Variants in WWTR1 observed in about 807,000 individuals in gnomAD.
The protein encoded by WWTR1 is WW domain-containing transcription regulator protein 1.
A neutral mutation model predicts 40.1 loss-of-function variants in WWTR1; 13 were observed. The observed-to-expected ratio is 0.32, with a 90% confidence interval of 0.21 to 0.52. The LOEUF is 0.52. Ranked by LOEUF, WWTR1 falls within the 20% of genes least tolerant of loss-of-function variation. The pLI, the probability that WWTR1 is intolerant of heterozygous loss-of-function variation, is 0.97. For synonymous variants in WWTR1, 230 were observed against 210.1 expected (o/e 1.09, Z -0.82); for missense variants, 436 against 523.1 (o/e 0.83, Z 1.63).
intron 2 of WWTR1, among the ~76,000 whole-genome samples, chr3:149,664,405 T>A (rs1230289828): frequency 6.6e-6 from 1 of 152,200 alleles, no homozygotes; most frequent in Admixed American, 6.5e-5. Context: ...ATCCCAAGTG[T>A]TTAACACAGT....
chr3:149,527,850 A>G lies in WWTR1; in HGVS notation c.891T>C (p.Asp297=). ...DMRSITNNSS[D]PFLNGGPYHS... is the part of the protein sequence containing the mutation. ...TATTAACTTACCCATTGAGGAAAGGATCTGAGCTATTATTAGTGATGGATC... is the reference window on the plus strand; with the variant it reads ...TATTAACTTACCCATTGAGGAAAGGGTCTGAGCTATTATTAGTGATGGATC... The change falls in exon 5 of 7, where the codon GAT becomes GAC. Residue 297 remains aspartate (D), a synonymous_variant. Transcript: ENST00000360632. 1.2e-6 allele frequency: 2 copies of G among 1,614,120 alleles called. No homozygotes were observed. The highest frequency in any genetic ancestry group is 1.7e-6 in the Non-Finnish European group (2 of 1,180,014).
intron 2 of WWTR1, among the ~76,000 whole-genome samples, chr3:149,606,447 T>A (rs535071145): frequency 6.6e-6 from 1 of 152,204 alleles, no homozygotes; most frequent in Non-Finnish European, 1.5e-5. Flanking sequence ...ACTGACCAAA[T>A]CTAGTCAGTA....
At chr3:149,637,230 G>GTT (rs76860341) in intron 2 of WWTR1, among the ~76,000 whole-genome samples, 3 of 143,364 alleles carry the variant, frequency 2.1e-5, no homozygotes, top group East Asian at 2.0e-4. Context: ...TATTGAGTAT[G>GTT]TTTTTTTTTT....
chr3:149,661,079 ATGGAAGCTTCCAC>A (rs1713551233), upstream of WWTR1: 1 of 152,174 alleles, frequency 6.6e-6, no homozygotes, highest in Non-Finnish European at 1.5e-5. Flanking sequence ...CTAGGAAGGT[ATGGAAGCTTCCAC>A]TTTGTACTTT....
chr3:149,677,417 T>G (rs1714304639), intron 1 of WWTR1, among the ~76,000 whole-genome samples: 2 of 152,236 alleles, frequency 1.3e-5, no homozygotes, highest in Non-Finnish European at 2.9e-5. Flanking sequence ...CATTATCCAG[T>G]GTCTTGGTCA....
intron 2 of WWTR1, among the ~76,000 whole-genome samples, chr3:149,628,525 T>C (rs1711497298): frequency 6.6e-6 from 1 of 152,212 alleles, no homozygotes; most frequent in East Asian, 1.9e-4. Flanking sequence ...TTGCTTTGTA[T>C]GACAGGCTAA....
chr3:149,634,246 T>C (rs1711698286), intron 2 of WWTR1, among the ~76,000 whole-genome samples: 1 of 152,210 alleles, frequency 6.6e-6, no homozygotes, highest in Admixed American at 6.5e-5. Flanking sequence ...TTAAATGCCC[T>C]GTACATCAGT....
intron 2 of WWTR1, among the ~76,000 whole-genome samples, chr3:149,634,655 C>G (rs1020773722): frequency 1.2e-4 from 18 of 152,318 alleles, no homozygotes; most frequent in Middle Eastern, 3.4e-3. Context: ...CCCAAAGAAG[C>G]AAGTGAAAGA....
At chr3:149,594,877 A>T (rs1738908193) in intron 2 of WWTR1, among the ~76,000 whole-genome samples, 2 of 151,664 alleles carry the variant, frequency 1.3e-5, no homozygotes, top group South Asian at 4.2e-4. Context: ...GGTATAAAAG[A>T]ATGTCTTATT....
At chr3:149,692,349 T>A (rs2108214413) in intron 1 of WWTR1, among the ~76,000 whole-genome samples, 1 of 152,286 alleles carries the variant, frequency 6.6e-6, no homozygotes, top group Non-Finnish European at 1.5e-5. Flanking sequence ...TGATTCAACA[T>A]ATGCAAATCA....
At chr3:149,522,200 T>G (rs1735082552) in intron 6 of WWTR1, among the ~76,000 whole-genome samples, 1 of 152,252 alleles carries the variant, frequency 6.6e-6, no homozygotes, top group Non-Finnish European at 1.5e-5. Context: ...AATTATCTTT[T>G]GTGTGTTACA....
chr3:149,687,190 A>G (rs1434723610), intron 1 of WWTR1, among the ~76,000 whole-genome samples: 1 of 152,104 alleles, frequency 6.6e-6, no homozygotes, highest in Non-Finnish European at 1.5e-5. Flanking sequence ...ACCTACTTCA[A>G]CTGCAATTTT....
intron 2 of WWTR1, among the ~76,000 whole-genome samples, chr3:149,595,436 C>G (rs1560076994): frequency 6.6e-6 from 1 of 151,894 alleles, no homozygotes; most frequent in East Asian, 1.9e-4. Context: ...AAATGTTCTT[C>G]TTTTTTAGAG....
chr3:149,589,873 A>G (rs1443183266), intron 2 of WWTR1, among the ~76,000 whole-genome samples: 3 of 152,200 alleles, frequency 2.0e-5, no homozygotes, highest in Non-Finnish European at 4.4e-5. Flanking sequence ...ATCAAATATA[A>G]CAGTTGAATC....
At position 149,520,966 on chromosome 3, in the gene WWTR1, T is replaced by C; in HGVS notation, c.1042A>G (p.Met348Val). 6.2e-7 allele frequency: 1 copy of C among 1,608,346 alleles called. No individual in the cohort carries two copies. Among genetic ancestry groups the C allele is most frequent in the Non-Finnish European group, 8.5e-7 (1 of 1,178,224 alleles). ...CGGGTCTGTTGGGGATTGATGTTCA[T>C]GGGTGTTTGTCCTGCGTTTTCTCCT... ...DTGENAGQTP[M>V]NINPQQTRFP... The change falls in exon 7 of 7, where the codon ATG becomes GTG. Residue 348 changes from methionine to valine, a missense_variant. Transcript: ENST00000360632.
At chr3:149,701,747 T>A (rs182052603) in intron 1 of WWTR1, 1 of 175,112 alleles carries the variant, frequency 5.7e-6, no homozygotes, top group Non-Finnish European at 1.2e-5. Context: ...CGTAAGCTGT[T>A]TAAGTTGAAG....
At chr3:149,654,879 T>C (rs1342077496) in intron 2 of WWTR1, among the ~76,000 whole-genome samples, 1 of 151,260 alleles carries the variant, frequency 6.6e-6, no homozygotes, top group Admixed American at 6.6e-5. Context: ...ATTCCAGCAC[T>C]TTGGGAGGCC....
intron 2 of WWTR1, chr3:149,649,852 G>A (rs1712752929): frequency 6.6e-6 from 1 of 151,232 alleles, no homozygotes; most frequent in Non-Finnish European, 1.5e-5. Context: ...GGGAGCAGGA[G>A]GCTGCCGTGA....
At chr3:149,597,252 T>C (rs2108042518) in intron 2 of WWTR1, among the ~76,000 whole-genome samples, 1 of 152,202 alleles carries the variant, frequency 6.6e-6, no homozygotes, top group South Asian at 2.1e-4. Flanking sequence ...GACTTTACTA[T>C]TCCATGCTCA....
Sources: gnomAD v4.1 joint callset for allele counts (sites outside exome capture counted in the v4.1 genomes callset) on GRCh38, gnomAD v4.1.1 for gene constraint, MANE v1.5 for transcripts, NCBI Gene and HGNC (gene_info 2026-07-23, HGNC 2026-07-21) for gene names.